The following PLEKHA5 variants were observed in gnomAD, a reference collection of about 807,000 sequenced individuals.
The protein encoded by PLEKHA5 is pleckstrin homology domain containing A5.
PLEKHA5 carries 55 observed loss-of-function variants against 181.9 expected under a neutral mutation model. The observed-to-expected ratio is 0.30, with a 90% CI of 0.24 to 0.38. PLEKHA5 has a LOEUF of 0.38. Among genes scored for constraint, PLEKHA5 ranks in the 10% least tolerant of loss-of-function variants. PLEKHA5 has a pLI of 1.00. For synonymous variants in PLEKHA5, 535 were observed against 529.4 expected (o/e 1.01, Z -0.15); for missense variants, 1,432 against 1,549.5 (o/e 0.92, Z 1.27).
At chr12:19,251,502 G>T (rs1240472870) in intron 3 of PLEKHA5, among the ~76,000 whole-genome samples, 1 of 151,910 alleles carries the variant, frequency 6.6e-6, no homozygotes, top group East Asian at 1.9e-4. Flanking sequence ...GAAGTAGCTG[G>T]TACATGTTTG....
chr12:19,186,041 A>G (rs1379823737), intron 3 of PLEKHA5, among the ~76,000 whole-genome samples: 1 of 152,200 alleles, frequency 6.6e-6, no homozygotes, highest in Non-Finnish European at 1.5e-5. Flanking sequence ...TGCCAACCAC[A>G]TACATGTCTT....
intron 3 of PLEKHA5, among the ~76,000 whole-genome samples, chr12:19,232,218 G>A (rs1254886428): frequency 6.6e-6 from 1 of 152,126 alleles, no homozygotes; most frequent in East Asian, 1.9e-4. Flanking sequence ...ATTTGAGATG[G>A]AAGTACCCAT....
intron 3 of PLEKHA5, among the ~76,000 whole-genome samples, chr12:19,236,716 T>C (rs1385139148): frequency 6.6e-6 from 1 of 152,236 alleles, no homozygotes. Flanking sequence ...TATCCTATGC[T>C]ATATGCCAAT....
intron 20 of PLEKHA5, among the ~76,000 whole-genome samples, chr12:19,328,100 A>G (rs1453872472): frequency 6.6e-6 from 1 of 152,128 alleles, no homozygotes; most frequent in Non-Finnish European, 1.5e-5. Flanking sequence ...CCCTTTCCAC[A>G]TTGCTTATTT....
intron 26 of PLEKHA5, among the ~76,000 whole-genome samples, chr12:19,354,630 A>G (rs1192946081): frequency 4.1e-5 from 6 of 146,618 alleles, no homozygotes; most frequent in East Asian, 2.1e-4. Context: ...ACAGGCGCCC[A>G]CCACCACGCC....
At chr12:19,173,297 A>G (rs1263362728) in intron 3 of PLEKHA5, among the ~76,000 whole-genome samples, 2 of 151,978 alleles carry the variant, frequency 1.3e-5, no homozygotes, top group African/African-American at 4.8e-5. Context: ...TGCTGGGATT[A>G]CAGGCGTGAG....
intron 7 of PLEKHA5, among the ~76,000 whole-genome samples, chr12:19,264,686 A>G (rs1209982502): frequency 1.3e-5 from 2 of 152,194 alleles, no homozygotes; most frequent in Non-Finnish European, 2.9e-5. Flanking sequence ...AAAAGCCTCC[A>G]TTTAATGTAA....
At chr12:19,237,790 T>G (rs2152426994) in intron 3 of PLEKHA5, among the ~76,000 whole-genome samples, 1 of 152,106 alleles carries the variant, frequency 6.6e-6, no homozygotes, top group African/African-American at 2.4e-5. Context: ...CAATTCATGT[T>G]TCTTTGAATT....
chr12:19,218,910 T>A (rs142516841), intron 3 of PLEKHA5, among the ~76,000 whole-genome samples: 77,554 of 147,874 alleles, frequency 0.52, 25,688 homozygotes, highest in Non-Finnish European at 0.74. Context: ...ATTATTATTT[T>A]TTTTTTTACT....
intron 3 of PLEKHA5, among the ~76,000 whole-genome samples, chr12:19,230,826 G>T (rs1197473026): frequency 6.6e-6 from 1 of 152,180 alleles, no homozygotes; most frequent in African/African-American, 2.4e-5. Context: ...AAGCTGATGG[G>T]CTCCTCAGGC....
chr12:19,320,591 A>G lies in PLEKHA5; in HGVS notation c.2184A>G (p.Leu728=). The change falls in exon 18 of 32, where the codon TTA becomes TTG. Residue 728 remains leucine, a synonymous_variant. Coordinates refer to ENST00000429027, the MANE Select transcript of PLEKHA5 (RefSeq NM_001256470.2). ...CACAAGATGAAGGTAGAGGCACATT[A>G]TACAAATACAGACCTGAAGAAGTAG... ...CLSQDEGRGT[L]YKYRPEEVDI... is the part of the protein sequence containing the mutation. 6.6e-7 allele frequency: 1 copy of G among 1,518,342 alleles called. No homozygotes were observed. 94.1% of individuals were successfully genotyped at this position (1,518,342 alleles called of 1,614,324 possible).
intron 3 of PLEKHA5, among the ~76,000 whole-genome samples, chr12:19,248,349 C>A (rs892738796): frequency 6.6e-6 from 1 of 152,150 alleles, no homozygotes; most frequent in Non-Finnish European, 1.5e-5. Flanking sequence ...AGGCGTGTGT[C>A]ACTATGCCTG....
chr12:19,310,133 A>G (rs2085910573), intron 15 of PLEKHA5, among the ~76,000 whole-genome samples: 1 of 152,184 alleles, frequency 6.6e-6, no homozygotes, highest in South Asian at 2.1e-4. Context: ...GAAGGAATTA[A>G]AGTAAGAAGC....
chr12:19,220,706 C>A (rs1256324722), intron 3 of PLEKHA5, among the ~76,000 whole-genome samples: 1 of 152,102 alleles, frequency 6.6e-6, no homozygotes, highest in Non-Finnish European at 1.5e-5. Context: ...GTGTGAAATG[C>A]AGACCTAGAC....
intron 13 of PLEKHA5, chr12:19,288,222 G>A (rs1273234835): frequency 2.8e-5 from 5 of 178,104 alleles, no homozygotes; most frequent in South Asian, 2.4e-4. Flanking sequence ...AACTACCAGC[G>A]TATTAAGTTT....
At chr12:19,241,047 T>A (rs1424576945) in intron 3 of PLEKHA5, among the ~76,000 whole-genome samples, 1 of 152,208 alleles carries the variant, frequency 6.6e-6, no homozygotes, top group Non-Finnish European at 1.5e-5. Context: ...TGTTCCTTAT[T>A]CATTAAATTA....
intron 13 of PLEKHA5, 142 bp downstream of exon 13, chr12:19,287,698 A>C (rs911533175): frequency 3.3e-6 from 2 of 607,888 alleles, no homozygotes; most frequent in African/African-American, 3.8e-5. Context: ...AGAGATGCTC[A>C]TCAGAATTTG....
Position 19,357,699 on chromosome 12 carries a change from G to A in PLEKHA5, c.3139-529G>A, listed in dbSNP as rs141841384. Reference sequence around the variant, plus strand: ...TCTGCATGCTGGAGTGCAGTAGCACGATCTCAGCTCGCTGCAACCTCCACC... The same window carrying A: ...TCTGCATGCTGGAGTGCAGTAGCACAATCTCAGCTCGCTGCAACCTCCACC... On this transcript the variant is annotated intron_variant, in intron 26 of 31. Transcript: ENST00000429027. Among the ~76,000 whole-genome samples, 1,427 of 150,508 alleles carry A rather than the reference G, an allele frequency of 9.5e-3. 25 individuals are homozygous for A. The highest frequency in any genetic ancestry group is 0.033 in the African/African-American group (1,365 of 40,988).
In PLEKHA5 at chr12:19,357,601, T is replaced by A. The variant is rs2095020048; in HGVS notation, c.3139-627T>A. Among the ~76,000 whole-genome samples the A allele has an allele frequency of 2.6e-5, 4 of 151,134 alleles. No individual in the cohort carries two copies. The South Asian group carries it at 8.4e-4, about 32-fold the overall frequency. On this transcript the variant is annotated intron_variant, in intron 26 of 31. Coordinates refer to ENST00000429027, the MANE Select transcript of PLEKHA5 (RefSeq NM_001256470.2). ...TGTTTTTTGTTTTACCCAGATTTACTGGAACTGAGTTATGGGGGTTTGTTT... is the reference window on the plus strand; with the variant it reads ...TGTTTTTTGTTTTACCCAGATTTACAGGAACTGAGTTATGGGGGTTTGTTT...
Sources: gnomAD v4.1 joint callset for allele counts (sites outside exome capture counted in the v4.1 genomes callset) on GRCh38, gnomAD v4.1.1 for gene constraint, MANE v1.5 for transcripts, NCBI Gene and HGNC (gene_info 2026-07-23, HGNC 2026-07-21) for gene names.